Variants in FKBP15 observed in about 807,000 individuals in gnomAD.
FKBP15 encodes FKBP prolyl isomerase family member 15, also known as FK506-binding protein 15.
FKBP15 carries 106 observed loss-of-function variants against 158.1 expected under a neutral mutation model. That is an observed-to-expected ratio of 0.67 (90% CI 0.57 to 0.79). The LOEUF (loss-of-function observed/expected upper bound fraction) is 0.79, where lower values mean the gene tolerates loss of function less well. Among genes scored for constraint, FKBP15 ranks in the 30% least tolerant of loss-of-function variants. The probability of loss-of-function intolerance (pLI) is 0.00; values close to 1 mark genes in which losing one functional copy is unlikely to be tolerated. For synonymous variants in FKBP15, 547 were observed against 548.6 expected (o/e 1.00, Z 0.04); for missense variants, 1,287 against 1,479.1 (o/e 0.87, Z 2.13).
In FKBP15 at chr9:113,194,040, G is replaced by A. The variant is rs574831502; in HGVS notation, c.994C>T (p.Pro332Ser). The change falls in exon 10 of 28, where the codon CCT (proline) becomes TCT (serine). Residue 332 changes from proline to serine, a missense_variant. By Grantham distance (74) the Pro-to-Ser change is moderately conservative (BLOSUM62 -1). Transcript: ENST00000238256. ...GCAGTATCTTACCCTGATTTGAAAG[G>A]TATTGATGTGGGTGGTGACACAACA... is the stretch of plus-strand genomic sequence containing the variant. Reference protein sequence around the residue: ...DPVVSPPTSIPFKSGEPALRT... With the variant: ...DPVVSPPTSISFKSGEPALRT... 50 of 1,612,394 alleles carry A rather than the reference G, an allele frequency of 3.1e-5. No homozygotes were observed. The highest frequency in any genetic ancestry group is 5.0e-5 in the Admixed American group (3 of 59,908).
chr9:113,203,136 G>T, intron 4 of FKBP15, 101 bp from the exon 5 acceptor site: 1 of 782,636 alleles, frequency 1.3e-6, no homozygotes, highest in Non-Finnish European at 2.1e-6. Context: ...AAGTATCAAA[G>T]GTTGTGCTTC....
In FKBP15 at chr9:113,209,987, G is replaced by A. The variant is rs1010703181; in HGVS notation, c.169+1490C>T. On this transcript the variant is annotated intron_variant, in intron 2 of 27. Coordinates refer to ENST00000238256, the MANE Select transcript of FKBP15 (RefSeq NM_015258.2). The stretch of plus-strand genomic sequence containing the variant: ...CCCTAGAGGGGTGGAGGCTCAGGAT[G>A]GAGCCTACAGCTAACCTGTCCAGAT... Among the ~76,000 whole-genome samples the A allele has an allele frequency of 2.6e-5, 4 of 152,300 alleles. No homozygotes were observed. The East Asian group carries it at 5.8e-4, about 22-fold the overall frequency.
chr9:113,184,209 G>T lies in FKBP15; in HGVS notation c.1716+83C>A. The stretch of plus-strand genomic sequence containing the variant: ...GTTTATCACAGGCTATTTCTGGGGT[G>T]GAGGTGTTAAAGAGTAGTACCTCTG... On this transcript the variant is annotated intron_variant, in intron 17 of 27. Coordinates refer to ENST00000238256, the MANE Select transcript of FKBP15 (RefSeq NM_015258.2). The surrounding 1 kb of genome is among the most constrained non-coding windows in gnomAD (Gnocchi z 4.5). The T allele has an allele frequency of 3.4e-6, 3 of 875,524 alleles. No individual in the cohort carries two copies. Among genetic ancestry groups the T allele is most frequent in the Non-Finnish European group, 3.7e-6 (2 of 545,752 alleles). The allele number at this position is 875,524 out of a possible 1,614,324, so 54.2% of individuals were successfully genotyped here. A position where few individuals can be genotyped will look rare whatever the true frequency, so the allele number is the denominator to read the frequency against.
intron 13 of FKBP15, 36 bp from the exon 14 acceptor site, chr9:113,187,935 C>G (rs1443845858): frequency 2.0e-6 from 3 of 1,518,974 alleles, no homozygotes; most frequent in Non-Finnish European, 2.7e-6. Context: ...TGTTATCCAC[C>G]CTTGCTTCTT....
intron 20 of FKBP15, among the ~76,000 whole-genome samples, chr9:113,177,260 C>G (rs1478183827): frequency 6.6e-6 from 1 of 152,196 alleles, no homozygotes; most frequent in Non-Finnish European, 1.5e-5. Context: ...ATAGTCTCAA[C>G]TTTCTTGGTA....
intron 23 of FKBP15, 122 bp from the exon 24 acceptor site, chr9:113,171,828 A>T: frequency 1.2e-6 from 1 of 811,332 alleles, no homozygotes; most frequent in Non-Finnish European, 1.8e-6. Context: ...TAATAAAAAG[A>T]CAATTTTATT....
At position 113,161,761 on chromosome 9, in the gene FKBP15, C is replaced by G; in HGVS notation, c.*4317G>C. 6.4e-7 allele frequency: 1 copy of G among 1,558,902 alleles called. No individual in the cohort carries two copies. ...ACATTCACCCTGAGAGACAGGCTGG[C>G]CCAGACAGCATTAGCCCCACTTCAC... On this transcript the variant is annotated 3_prime_UTR_variant, in exon 28 of 28. Transcript: ENST00000238256.
intron 13 of FKBP15, among the ~76,000 whole-genome samples, 196 bp downstream of exon 13, chr9:113,188,193 G>A (rs1300746863): frequency 1.3e-5 from 2 of 152,204 alleles, no homozygotes; most frequent in East Asian, 1.9e-4. Flanking sequence ...CACAGCAGAA[G>A]TCACAACCAG....
In FKBP15 at chr9:113,165,997, C is replaced by CCCCTAGACCCAGG; in HGVS notation, c.*80_*81insCCTGGGTCTAGGG. 7.3e-7 allele frequency: 1 copy of CCCCTAGACCCAGG among 1,374,782 alleles called. No homozygotes were observed. The allele number at this position is 1,374,782 out of a possible 1,614,324, so 85.2% of individuals were successfully genotyped here. ...CTCACCTTGACCTCACCCTGTGGTT[C>CCCCTAGACCCAGG]GCCTAGACCCAGGGTTGGCTGTGCA... On this transcript the variant is annotated 3_prime_UTR_variant, in exon 28 of 28. Coordinates refer to ENST00000238256, the MANE Select transcript of FKBP15 (RefSeq NM_015258.2).
intron 10 of FKBP15, 69 bp from the exon 11 acceptor site, chr9:113,193,618 G>T: frequency 7.8e-7 from 1 of 1,289,286 alleles, no homozygotes. Flanking sequence ...AATTATATTG[G>T]ATAAGCAAAT....
chr9:113,185,084 C>T (rs1019880431), intron 15 of FKBP15, among the ~76,000 whole-genome samples: 7 of 152,192 alleles, frequency 4.6e-5, no homozygotes, highest in African/African-American at 1.2e-4. Flanking sequence ...GCCACAGCAC[C>T]GGCAGCTCAG....
At chr9:113,171,555 G>A (rs746554449) in intron 24 of FKBP15, 26 bp downstream of exon 24, 29 of 1,602,100 alleles carry the variant, frequency 1.8e-5, no homozygotes, top group Middle Eastern at 3.3e-4. Flanking sequence ...TAAATGGCTT[G>A]CTTCTCATTT....
intron 19 of FKBP15, 39 bp from the exon 20 acceptor site, chr9:113,178,840 G>A: frequency 6.4e-7 from 1 of 1,555,886 alleles, no homozygotes. Flanking sequence ...TTAAACATAG[G>A]TGTTCTCCAT....
At chr9:113,218,206 TAAC>T (rs921592881) in intron 1 of FKBP15, among the ~76,000 whole-genome samples, 2 of 151,918 alleles carry the variant, frequency 1.3e-5, no homozygotes, top group African/African-American at 4.8e-5. Context: ...ATTTCAATAA[TAAC>T]AACAATAGCA....
rs145552990 is a variant in FKBP15, at chr9:113,206,574, T to G, written c.259A>C (p.Asn87His). 2.5e-5 allele frequency: 41 copies of G among 1,613,002 alleles called. No individual in the cohort carries two copies. The East Asian group carries it at 9.1e-4, about 36-fold the overall frequency. ...ATAVHAYRYT[N>H]GQYVKQGKFG... The stretch of plus-strand genomic sequence containing the variant: ...TTGCCCTGCTTTACATATTGACCAT[T>G]TGTGCTATAAAAGGAAGAGAAACAA... The change falls in exon 4 of 28, where the codon AAT (asparagine) becomes CAT (histidine). Residue 87 changes from asparagine (N) to histidine (H), a missense_variant. Asn to His is a moderately conservative substitution (Grantham distance 68, BLOSUM62 1). Transcript: ENST00000238256.
intron 19 of FKBP15, among the ~76,000 whole-genome samples, chr9:113,181,114 A>C (rs1830387893): frequency 6.6e-6 from 1 of 152,230 alleles, no homozygotes; most frequent in Admixed American, 6.5e-5. Flanking sequence ...AGATTCCCTA[A>C]AAAATTTGTG....
chr9:113,163,128 C>G lies in FKBP15; in HGVS notation c.*2950G>C. 2.1e-6 allele frequency: 1 copy of G among 466,112 alleles called. No homozygotes were observed. The highest frequency in any genetic ancestry group is 3.4e-5 in the South Asian group (1 of 29,374). The allele number at this position is 466,112 out of a possible 1,614,324, so 28.9% of individuals were successfully genotyped here. On this transcript the variant is annotated 3_prime_UTR_variant, in exon 28 of 28. Transcript: ENST00000238256. ...TCAGCCAGCCTACGTAGGGCCCAGG[C>G]ATGGTCTTGTGTCTTAAGACAGCTG...
chr9:113,203,676 C>T (rs7865584), intron 4 of FKBP15, among the ~76,000 whole-genome samples: 34,747 of 151,742 alleles, frequency 0.23, 4,723 homozygotes, highest in African/African-American at 0.36. Context: ...TACAGGTGCA[C>T]GCCACCACAC....
intron 19 of FKBP15, among the ~76,000 whole-genome samples, chr9:113,182,454 C>T (rs1830416030): frequency 6.6e-6 from 1 of 152,208 alleles, no homozygotes; most frequent in African/African-American, 2.4e-5. Flanking sequence ...ACCTACACAT[C>T]TGTTACCTGG....
Sources: allele counts gnomAD v4.1 joint callset (sites outside exome capture counted in the v4.1 genomes callset), GRCh38; gene constraint gnomAD v4.1.1; non-coding constraint Gnocchi (gnomAD v3.1); transcripts MANE v1.5; gene names NCBI Gene and HGNC (gene_info 2026-07-23, HGNC 2026-07-21).